Variants in SHISA9 observed in about 807,000 individuals in gnomAD.
SHISA9 encodes the protein shisa family member 9, also known as protein shisa-9.
SHISA9 carries 13 observed loss-of-function variants against 38.0 expected under a neutral mutation model. The observed-to-expected ratio is 0.34, with a 90% CI of 0.22 to 0.54. SHISA9 has a LOEUF of 0.54. Among genes scored for constraint, SHISA9 ranks in the 20% least tolerant of loss-of-function variants. The pLI is 0.91. For missense variants in SHISA9, 538 were observed against 575.8 expected (o/e 0.93, Z 0.67); for synonymous variants, 275 against 242.0 (o/e 1.14, Z -1.27).
chr16:12,925,359 G>A (rs1375923688), intron 2 of SHISA9, among the ~76,000 whole-genome samples: 1 of 151,648 alleles, frequency 6.6e-6, no homozygotes, highest in Non-Finnish European at 1.5e-5. Flanking sequence ...TGATTATTTT[G>A]TCTTACTGGC....
At chr16:13,400,770 A>G in the SHISA9 span, among the ~76,000 whole-genome samples, 3 of 152,204 alleles carry the variant, frequency 2.0e-5, no homozygotes, top group East Asian at 1.9e-4. Context: ...TTGACCCCCA[A>G]TAAGCCAGGT....
chr16:13,171,341 T>A (rs910381154), intron 2 of SHISA9, among the ~76,000 whole-genome samples: 1 of 152,044 alleles, frequency 6.6e-6, no homozygotes, highest in African/African-American at 2.4e-5. Flanking sequence ...ATCCAAACCA[T>A]ATCAGGCTTC....
chr16:13,249,509 A>G, the SHISA9 span, among the ~76,000 whole-genome samples: 76 of 152,310 alleles, frequency 5.0e-4, no homozygotes, highest in Admixed American at 1.0e-3. Flanking sequence ...TGAAACAGGG[A>G]TAAGCATTGG....
At chr16:13,105,574 G>A (rs1030964227) in intron 2 of SHISA9, among the ~76,000 whole-genome samples, 7 of 152,338 alleles carry the variant, frequency 4.6e-5, no homozygotes, top group East Asian at 1.9e-4. Context: ...GGGAGACTCC[G>A]GAGGAGGGAG....
chr16:13,233,306 G>C (rs1265746811), intron 4 of SHISA9, among the ~76,000 whole-genome samples: 1 of 147,152 alleles, frequency 6.8e-6, no homozygotes, highest in Non-Finnish European at 1.5e-5. Flanking sequence ...AAGAGAGAGA[G>C]GAAGAAGGAA....
the SHISA9 span, among the ~76,000 whole-genome samples, chr16:13,262,119 C>T: frequency 6.6e-6 from 1 of 152,234 alleles, no homozygotes; most frequent in East Asian, 1.9e-4. Flanking sequence ...AGGAAACCAA[C>T]ATCTCCACTA....
chr16:13,463,962 C>T, the SHISA9 span, among the ~76,000 whole-genome samples: 478 of 152,334 alleles, frequency 3.1e-3, 2 homozygotes, highest in African/African-American at 0.011. Flanking sequence ...TTCCTAGTTA[C>T]GTTATGCCCA....
the SHISA9 span, among the ~76,000 whole-genome samples, chr16:13,519,142 A>G: frequency 4.6e-5 from 7 of 152,374 alleles, no homozygotes; most frequent in South Asian, 1.4e-3. Flanking sequence ...AAATACCCTA[A>G]TTACTTGAGT....
intron 2 of SHISA9, among the ~76,000 whole-genome samples, chr16:13,187,847 T>C (rs1317907894): frequency 1.3e-5 from 2 of 152,144 alleles, no homozygotes; most frequent in Non-Finnish European, 2.9e-5. Flanking sequence ...CTTCCACACG[T>C]TGACCATGTG....
At chr16:12,911,508 G>A (rs566583586) in intron 1 of SHISA9, 1 of 436,526 alleles carries the variant, frequency 2.3e-6, no homozygotes, top group East Asian at 1.6e-4. Flanking sequence ...TTCAAACCAA[G>A]CTTGAGGGTG....
At chr16:13,000,581 G>A (rs1385214353) in intron 2 of SHISA9, among the ~76,000 whole-genome samples, 1 of 152,144 alleles carries the variant, frequency 6.6e-6, no homozygotes, top group Non-Finnish European at 1.5e-5. Flanking sequence ...TGGCCCCAAG[G>A]ACGATTGCAG....
At chr16:13,175,407 A>G (rs1437338989) in intron 2 of SHISA9, among the ~76,000 whole-genome samples, 1 of 152,070 alleles carries the variant, frequency 6.6e-6, no homozygotes, top group Non-Finnish European at 1.5e-5. Context: ...AAATAAAAAG[A>G]TTTGATTTTT....
chr16:13,095,178 C>G (rs1279632694), intron 2 of SHISA9, among the ~76,000 whole-genome samples: 2 of 152,194 alleles, frequency 1.3e-5, no homozygotes, highest in African/African-American at 4.8e-5. Context: ...GTATTTGGAG[C>G]TTGTTTCTCA....
chr16:13,029,556 C>T lies in SHISA9; in HGVS notation c.691+112741C>T, dbSNP rs972965400. Among the ~76,000 whole-genome samples the T allele has an allele frequency of 5.9e-5, 9 of 152,260 alleles. 1 individual carries two copies. In the Middle Eastern group the frequency reaches 0.01, roughly 173 times the overall value. ...CCAGGAGGTCAAAGCTGCAGTGAGC[C>T]GAGATTGTGCCACTGCACTCCAGCC... On this transcript the variant is annotated intron_variant, in intron 2 of 4. Coordinates refer to ENST00000558583, the MANE Select transcript of SHISA9 (RefSeq NM_001145204.3).
At chr16:13,026,846 A>T (rs1259198670) in intron 2 of SHISA9, among the ~76,000 whole-genome samples, 1 of 152,174 alleles carries the variant, frequency 6.6e-6, no homozygotes, top group Non-Finnish European at 1.5e-5. Context: ...GCTTAGTATT[A>T]TTTCCATTTT....
chr16:13,375,165 C>G, the SHISA9 span, among the ~76,000 whole-genome samples: 2 of 152,132 alleles, frequency 1.3e-5, no homozygotes, highest in Non-Finnish European at 2.9e-5. Flanking sequence ...TGCAGAAGCT[C>G]TTTAGTTTAA....
At chr16:13,415,233 T>C in the SHISA9 span, among the ~76,000 whole-genome samples, 1 of 152,222 alleles carries the variant, frequency 6.6e-6, no homozygotes, top group African/African-American at 2.4e-5. Flanking sequence ...GTGGTACATA[T>C]ACACCGTGGA....
chr16:13,413,103 C>T, the SHISA9 span, among the ~76,000 whole-genome samples: 1 of 152,084 alleles, frequency 6.6e-6, no homozygotes, highest in Non-Finnish European at 1.5e-5. Context: ...GAACTTTTCA[C>T]AAAGGAAATA....
At chr16:13,101,325 T>G (rs1484560175) in intron 2 of SHISA9, among the ~76,000 whole-genome samples, 1 of 152,272 alleles carries the variant, frequency 6.6e-6, no homozygotes, top group Non-Finnish European at 1.5e-5. Context: ...TAATTAGCTT[T>G]ATTGTATCGA....
Sources: allele counts gnomAD v4.1 joint callset (sites outside exome capture counted in the v4.1 genomes callset), GRCh38; gene constraint gnomAD v4.1.1; transcripts MANE v1.5; gene names NCBI Gene and HGNC (gene_info 2026-07-23, HGNC 2026-07-21).